Variants in WDR7 observed in about 807,000 individuals in gnomAD.
The protein encoded by WDR7 is WD repeat-containing protein 7.
Under a neutral mutation model 169.4 loss-of-function variants are expected in WDR7, and 46 were observed. The ratio of observed to expected loss-of-function variants is 0.27; its 90% CI spans 0.21 to 0.35. The LOEUF (loss-of-function observed/expected upper bound fraction) is 0.35, where lower values mean the gene tolerates loss of function less well. Ranked by LOEUF, WDR7 falls within the 10% of genes least tolerant of loss-of-function variation. WDR7 has a pLI of 1.00. For synonymous variants in WDR7, 612 were observed against 666.8 expected (o/e 0.92, Z 1.27); for missense variants, 1,534 against 1,859.3 (o/e 0.83, Z 3.22).
At chr18:56,784,213 A>G (rs936730124) in intron 19 of WDR7, among the ~76,000 whole-genome samples, 4 of 152,070 alleles carry the variant, frequency 2.6e-5, no homozygotes, top group Non-Finnish European at 4.4e-5. Context: ...TAAGTGACAG[A>G]CTCCAAAACT....
chr18:56,846,754 C>T (rs1310184393), intron 20 of WDR7, among the ~76,000 whole-genome samples: 1 of 152,188 alleles, frequency 6.6e-6, no homozygotes, highest in African/African-American at 2.4e-5. Flanking sequence ...GATGCACCTG[C>T]TCCTCCTTCA....
chr18:56,748,562 A>G (rs918374618), intron 14 of WDR7, among the ~76,000 whole-genome samples: 1 of 152,122 alleles, frequency 6.6e-6, no homozygotes, highest in African/African-American at 2.4e-5. Flanking sequence ...AGTGATTTCT[A>G]TTTTATTTAT....
chr18:56,725,573 A>G (rs1201597630), intron 13 of WDR7, among the ~76,000 whole-genome samples: 9 of 152,114 alleles, frequency 5.9e-5, no homozygotes, highest in Non-Finnish European at 1.5e-5. Flanking sequence ...AGATGAGTAG[A>G]TTGCAAAAAT....
chr18:56,731,330 T>G, intron 13 of WDR7, 53 bp from the exon 14 acceptor site: 1 of 1,568,280 alleles, frequency 6.4e-7, no homozygotes, highest in Non-Finnish European at 8.7e-7. Context: ...TTACTTAAAC[T>G]ATTCAAAATG....
At chr18:56,988,633 G>A (rs2047762245) in intron 26 of WDR7, among the ~76,000 whole-genome samples, 1 of 132,976 alleles carries the variant, frequency 7.5e-6, no homozygotes, top group South Asian at 2.5e-4. Flanking sequence ...GTGTGTGTGT[G>A]TGTATAGAGT....
intron 20 of WDR7, among the ~76,000 whole-genome samples, chr18:56,862,518 G>C (rs1814347675): frequency 6.6e-6 from 1 of 151,436 alleles, no homozygotes; most frequent in South Asian, 2.1e-4. Context: ...ATGTGATAAA[G>C]CTTAAATTGC....
chr18:56,703,419 A>G (rs1293966313), intron 12 of WDR7, among the ~76,000 whole-genome samples: 1 of 152,208 alleles, frequency 6.6e-6, no homozygotes. Context: ...TAATTTGAAT[A>G]TTGCATTTAA....
chr18:56,997,715 A>G (rs2047917720), intron 26 of WDR7, among the ~76,000 whole-genome samples: 3 of 152,180 alleles, frequency 2.0e-5, no homozygotes, highest in African/African-American at 4.8e-5. Context: ...ATTGATCTCT[A>G]GATTCCATCT....
At chr18:56,923,884 A>G in intron 21 of WDR7, 38 bp from the exon 22 acceptor site, 2 of 1,471,152 alleles carry the variant, frequency 1.4e-6, no homozygotes, top group Non-Finnish European at 9.0e-7. Context: ...CAAAAGTAAA[A>G]TTCCCCTTTT....
chr18:56,760,639 C>A (rs962937733), intron 16 of WDR7, among the ~76,000 whole-genome samples: 17 of 152,058 alleles, frequency 1.1e-4, no homozygotes, highest in Non-Finnish European at 1.6e-4. Context: ...CTATGAGCAT[C>A]CTTGTATTTT....
chr18:56,745,547 C>T (rs965102867), intron 14 of WDR7, among the ~76,000 whole-genome samples: 1 of 152,096 alleles, frequency 6.6e-6, no homozygotes, highest in African/African-American at 2.4e-5. Flanking sequence ...AGGGTTTTCA[C>T]TCCTATGAGA....
chr18:57,036,393 C>T, the WDR7 span: 3 of 152,256 alleles, frequency 2.0e-5, no homozygotes, highest in South Asian at 6.2e-4. Context: ...GAGCTACACC[C>T]AATAACCCAT....
chr18:56,999,033 T>A (rs2047937997), intron 26 of WDR7, among the ~76,000 whole-genome samples: 1 of 152,282 alleles, frequency 6.6e-6, no homozygotes, highest in Non-Finnish European at 1.5e-5. Context: ...CAATTTCCAA[T>A]GTCTGGGGAT....
intron 13 of WDR7, among the ~76,000 whole-genome samples, chr18:56,726,748 C>T (rs1317776656): frequency 6.6e-6 from 1 of 152,008 alleles, no homozygotes; most frequent in Non-Finnish European, 1.5e-5. Context: ...AAATGTGGAG[C>T]TAATTATTAT....
chr18:57,034,510 C>G (rs2145970860), downstream of WDR7: 1 of 152,280 alleles, frequency 6.6e-6, no homozygotes, highest in Admixed American at 6.5e-5. Context: ...GCTGAGCCAC[C>G]CATTGAACCA....
At chr18:56,988,362 T>C (rs1475601333) in intron 26 of WDR7, among the ~76,000 whole-genome samples, 1 of 152,200 alleles carries the variant, frequency 6.6e-6, no homozygotes, top group African/African-American at 2.4e-5. Flanking sequence ...AGCACTCCAG[T>C]TGAGGCAAAA....
At chr18:56,813,492 G>A (rs1224966900) in intron 19 of WDR7, among the ~76,000 whole-genome samples, 4 of 151,404 alleles carry the variant, frequency 2.6e-5, no homozygotes, top group South Asian at 2.1e-4. Context: ...ATGAATGGAT[G>A]TTGAATTTTG....
chr18:56,679,318 T>G lies in WDR7; in HGVS notation c.160-14T>G. The G allele has an allele frequency of 6.3e-7, 1 of 1,595,970 alleles. No individual in the cohort carries two copies. On this transcript the variant is annotated splice_polypyrimidine_tract_variant and intron_variant, in intron 2 of 27. Transcript: ENST00000254442. ...AAGTTTGGTACTTAAACTAGCATAT[T>G]TTTGCATTTCTAGATTAATCCTCGA...
intron 26 of WDR7, among the ~76,000 whole-genome samples, chr18:57,011,978 G>A (rs7237224): frequency 0.78 from 119,169 of 152,068 alleles, 48,010 homozygotes; most frequent in East Asian, 0.88. Context: ...CTCTTTGGGG[G>A]TACAGACAAG....
Sources: allele counts gnomAD v4.1 joint callset (sites outside exome capture counted in the v4.1 genomes callset), GRCh38; gene constraint gnomAD v4.1.1; transcripts MANE v1.5; gene names NCBI Gene and HGNC (gene_info 2026-07-23, HGNC 2026-07-21).